The following RBL2 variants were observed in gnomAD, a reference collection of about 807,000 sequenced individuals.
The protein encoded by RBL2 is retinoblastoma-like protein 2.
A neutral mutation model predicts 126.0 loss-of-function variants in RBL2; 56 were observed. That is an observed-to-expected ratio of 0.44 (90% confidence interval 0.36 to 0.56). The LOEUF is 0.56. Ranked by LOEUF, RBL2 falls within the 20% of genes least tolerant of loss-of-function variation. The pLI is 0.00. For missense variants in RBL2, 1,229 were observed against 1,398.2 expected (o/e 0.88, Z 1.93); for synonymous variants, 454 against 478.5 (o/e 0.95, Z 0.67).
chr16:53,477,376 C>T (rs775919617), intron 17 of RBL2, among the ~76,000 whole-genome samples: 8 of 152,096 alleles, frequency 5.3e-5, no homozygotes, highest in Non-Finnish European at 8.8e-5. Context: ...CTTGCTCTGT[C>T]GCCCAGACTA....
intron 21 of RBL2, chr16:53,488,078 AT>A (rs1961245791): frequency 6.6e-6 from 1 of 152,244 alleles, no homozygotes; most frequent in South Asian, 2.1e-4. Flanking sequence ...ATGGAAACTT[AT>A]GTTTAGACAA....
chr16:53,456,941 T>C (rs1012032821), intron 8 of RBL2, among the ~76,000 whole-genome samples: 1 of 152,084 alleles, frequency 6.6e-6, no homozygotes, highest in African/African-American at 2.4e-5. Context: ...GTAGAAAGAA[T>C]TGTTTATTAC....
chr16:53,454,178 G>A (rs1344792270), intron 7 of RBL2: 2 of 444,562 alleles, frequency 4.5e-6, no homozygotes, highest in Non-Finnish European at 8.9e-6. Flanking sequence ...GGGGATAGCA[G>A]GATTACATGT....
intron 5 of RBL2, among the ~76,000 whole-genome samples, chr16:53,453,013 C>A (rs1400144506): frequency 6.6e-6 from 1 of 151,888 alleles, no homozygotes; most frequent in Admixed American, 6.6e-5. Flanking sequence ...TGTGCTGAGT[C>A]TAGGGCAAGA....
At position 53,438,344 on chromosome 16, in the gene RBL2, C is replaced by T. The variant is rs940622546; in HGVS notation, c.241-672C>T. 7.2e-5 allele frequency among the ~76,000 whole-genome samples: 11 copies of T among 152,234 alleles called. No individual in the cohort carries two copies. The East Asian group carries it at 1.5e-3, about 21-fold the overall frequency. Reference sequence around the variant, plus strand: ...ATTCTTACATGTTGGTTCAGGACTCCGAAGGCACATGTCCTAAGAGAGAGA... The same window carrying T: ...ATTCTTACATGTTGGTTCAGGACTCTGAAGGCACATGTCCTAAGAGAGAGA... On this transcript the variant is annotated intron_variant, in intron 1 of 21. Coordinates refer to ENST00000262133, the MANE Select transcript of RBL2 (RefSeq NM_005611.4).
chr16:53,457,450 G>A (rs1423880335), intron 8 of RBL2, among the ~76,000 whole-genome samples: 5 of 151,362 alleles, frequency 3.3e-5, no homozygotes, highest in South Asian at 2.1e-4. Flanking sequence ...TAGTAGAAAC[G>A]GCATTTCACC....
intron 1 of RBL2, 28 bp downstream of exon 1, chr16:53,434,824 C>T (rs1446540587): frequency 2.0e-6 from 3 of 1,475,932 alleles, no homozygotes; most frequent in East Asian, 2.7e-5. Flanking sequence ...GGGGCGCTTC[C>T]GGCCTAGTTG....
At chr16:53,479,493 T>C (rs549724587) in intron 18 of RBL2, 1 of 519,516 alleles carries the variant, frequency 1.9e-6, no homozygotes, top group Non-Finnish European at 3.4e-6. Context: ...TTGGTTTCTA[T>C]GTCACCTTTC....
At chr16:53,488,080 G>A (rs1361887826) in intron 21 of RBL2, 2 of 152,134 alleles carry the variant, frequency 1.3e-5, no homozygotes, top group Non-Finnish European at 2.9e-5. Context: ...GGAAACTTAT[G>A]TTTAGACAAA....
chr16:53,458,163 C>T (rs2150800819), intron 8 of RBL2, among the ~76,000 whole-genome samples: 1 of 152,330 alleles, frequency 6.6e-6, no homozygotes, highest in Middle Eastern at 3.4e-3. Flanking sequence ...TTTCTGTATA[C>T]AGTAAATTTC....
chr16:53,461,769 A>G lies in RBL2; in HGVS notation c.1375A>G (p.Ile459Val), dbSNP rs61747628. The G allele has an allele frequency of 3.7e-3, 5,905 of 1,608,278 alleles. 12 individuals carry two copies. The highest frequency in any genetic ancestry group is 4.6e-3 in the Non-Finnish European group (5,466 of 1,177,906). Residue 459 changes from isoleucine (I) to valine (V), a missense_variant, in exon 10 of 22, where the codon ATT becomes GTT. Coordinates refer to ENST00000262133, the MANE Select transcript of RBL2 (RefSeq NM_005611.4). ...RTCSRDPTQA[I>V]ANRLKEMFEI... is the part of the protein sequence containing the mutation. ...ATGTTCCAGAGATCCAACCCAGGCT[A>G]TTGCTAACAGACTGAAAGAAATGTT...
At chr16:53,479,713 C>T (rs138488788) in intron 18 of RBL2, 173 bp from the exon 19 acceptor site, 40 of 553,610 alleles carry the variant, frequency 7.2e-5, no homozygotes, top group Non-Finnish European at 1.2e-4. Context: ...TAGATGGGCT[C>T]TGATTGAATC....
chr16:53,434,597 C>T lies in RBL2; in HGVS notation c.41C>T (p.Pro14Leu), dbSNP rs1176068452. The T allele has an allele frequency of 6.5e-7, 1 of 1,549,420 alleles. No homozygotes were observed. Among genetic ancestry groups the T allele is most frequent in the Non-Finnish European group, 8.6e-7 (1 of 1,156,898 alleles). The part of the protein sequence containing the change: ...GGDQSPPPPP[P>L]PPAAAASDEE... The stretch of plus-strand genomic sequence containing the variant: ...GACCAGTCGCCACCGCCCCCGCCTC[C>T]CCCTCCGGCGGCGGCAGCCTCGGAT... The change falls in exon 1 of 22, where the codon CCC (proline) becomes CTC (leucine). Residue 14 changes from proline (P) to leucine (L), a missense_variant. Around this residue, in one of 2 missense-constraint regions of RBL2, gnomAD observed 159 missense variants for 123.9 expected, o/e 1.28. Coordinates refer to ENST00000262133, the MANE Select transcript of RBL2 (RefSeq NM_005611.4).
intron 21 of RBL2, among the ~76,000 whole-genome samples, chr16:53,483,503 A>T (rs997538181): frequency 1.3e-5 from 2 of 152,092 alleles, no homozygotes; most frequent in African/African-American, 4.8e-5. Context: ...GTGCCACCAC[A>T]CTCCAGCCTG....
intron 3 of RBL2, among the ~76,000 whole-genome samples, chr16:53,444,738 C>G (rs1158271663): frequency 1.3e-5 from 2 of 151,900 alleles, no homozygotes; most frequent in South Asian, 4.1e-4. Context: ...GTCCCAGCTA[C>G]TTGAGAGGCT....
At chr16:53,454,308 G>C (rs1242455903) in intron 7 of RBL2, 1 of 422,532 alleles carries the variant, frequency 2.4e-6, no homozygotes, top group South Asian at 1.8e-5. Context: ...AGGTTCAAGC[G>C]ATTCTTCTGC....
rs1444533097 is a variant in RBL2, at chr16:53,434,604, G to A, written c.48G>A (p.Pro16=). Residue 16 remains proline, a synonymous_variant, in exon 1 of 22, where the codon CCG becomes CCA. Transcript: ENST00000262133. ...DQSPPPPPPP[P]AAAASDEEEE... is the part of the protein sequence containing the mutation. ...CGCCACCGCCCCCGCCTCCCCCTCC[G>A]GCGGCGGCAGCCTCGGATGAGGAGG... 1.3e-6 allele frequency: 2 copies of A among 1,549,776 alleles called. No individual in the cohort carries two copies. Among genetic ancestry groups the A allele is most frequent in the Non-Finnish European group, 1.7e-6 (2 of 1,156,996 alleles).
At chr16:53,451,871 T>C (rs2058118365) in intron 5 of RBL2, 40 bp downstream of exon 5, 1 of 1,606,138 alleles carries the variant, frequency 6.2e-7, no homozygotes, top group Admixed American at 1.7e-5. Context: ...AATCTGCGTT[T>C]CTGTGTTATG....
chr16:53,481,977 A>C, intron 21 of RBL2, 142 bp downstream of exon 21: 17 of 902,540 alleles, frequency 1.9e-5, no homozygotes, highest in Admixed American at 2.8e-5. Context: ...ATGAAGCAAA[A>C]CCCAGGGTTT....
Sources: gnomAD v4.1 joint callset for allele counts (sites outside exome capture counted in the v4.1 genomes callset) on GRCh38, gnomAD v4.1.1 for gene constraint, gnomAD v4.1.1 regional missense constraint, MANE v1.5 for transcripts, NCBI Gene and HGNC (gene_info 2026-07-23, HGNC 2026-07-21) for gene names.